Variants in PDGFC observed in about 807,000 individuals in gnomAD.
PDGFC encodes platelet-derived growth factor C.
Under a neutral mutation model 35.5 loss-of-function variants are expected in PDGFC, and 12 were observed. The observed-to-expected ratio is 0.34, with a 90% CI of 0.22 to 0.55. The LOEUF (loss-of-function observed/expected upper bound fraction) is 0.55, where lower values mean the gene tolerates loss of function less well. PDGFC is among the 20% of genes least tolerant of loss of function. The probability of loss-of-function intolerance (pLI) is 0.91; values close to 1 mark genes in which losing one functional copy is unlikely to be tolerated. For synonymous variants in PDGFC, 159 were observed against 148.8 expected (o/e 1.07, Z -0.50); for missense variants, 322 against 412.4 (o/e 0.78, Z 1.90).
chr4:156,766,811 G>GA (rs1286257511), intron 5 of PDGFC, among the ~76,000 whole-genome samples: 10 of 152,038 alleles, frequency 6.6e-5, no homozygotes, highest in African/African-American at 2.2e-4. Context: ...GATAAAGTGG[G>GA]AAAAAAAGCA....
chr4:156,866,296 T>C (rs1038841078), intron 1 of PDGFC, among the ~76,000 whole-genome samples: 10 of 152,214 alleles, frequency 6.6e-5, no homozygotes, highest in Non-Finnish European at 1.5e-4. Context: ...TCATCATTTT[T>C]TATGGCTGCA....
At chr4:156,948,504 T>C (rs1732000823) in intron 1 of PDGFC, among the ~76,000 whole-genome samples, 2 of 152,102 alleles carry the variant, frequency 1.3e-5, no homozygotes, top group South Asian at 2.1e-4. Context: ...AAAAAAGTCT[T>C]GGCATATTAA....
At chr4:156,913,625 T>C (rs905112198) in intron 1 of PDGFC, among the ~76,000 whole-genome samples, 6 of 152,228 alleles carry the variant, frequency 3.9e-5, no homozygotes, top group Admixed American at 3.9e-4. Flanking sequence ...GAATTAGAAT[T>C]CCTAAGACCC....
At chr4:156,862,145 A>G (rs1253264762) in intron 1 of PDGFC, among the ~76,000 whole-genome samples, 1 of 152,206 alleles carries the variant, frequency 6.6e-6, no homozygotes, top group East Asian at 1.9e-4. Context: ...ATCCTCCAAT[A>G]GCTTTCCAGG....
chr4:156,865,520 C>T (rs1284302925), intron 1 of PDGFC, among the ~76,000 whole-genome samples: 2 of 151,954 alleles, frequency 1.3e-5, no homozygotes, highest in African/African-American at 4.8e-5. Context: ...ATGACAAAAG[C>T]TGTTAACAAT....
At chr4:156,786,041 A>T (rs1221272992) in intron 3 of PDGFC, among the ~76,000 whole-genome samples, 1 of 152,120 alleles carries the variant, frequency 6.6e-6, no homozygotes, top group Non-Finnish European at 1.5e-5. Context: ...GTACTGTGAA[A>T]CTAATCACCA....
chr4:156,813,997 T>A (rs928354984), intron 2 of PDGFC, among the ~76,000 whole-genome samples: 11 of 152,074 alleles, frequency 7.2e-5, no homozygotes, highest in African/African-American at 2.7e-4. Flanking sequence ...AAACGCTGTG[T>A]CAGTATTTGG....
chr4:156,969,505 C>T (rs1210590400), intron 1 of PDGFC, among the ~76,000 whole-genome samples: 1 of 152,184 alleles, frequency 6.6e-6, no homozygotes, highest in Non-Finnish European at 1.5e-5. Context: ...TTGCAAAAGT[C>T]GGCAGAATCC....
intron 3 of PDGFC, among the ~76,000 whole-genome samples, chr4:156,774,700 T>C (rs998086648): frequency 2.6e-5 from 4 of 151,364 alleles, no homozygotes; most frequent in Admixed American, 2.0e-4. Flanking sequence ...AACTACAGTG[T>C]TCCAGGGCCT....
At chr4:156,777,230 A>C (rs1730853857) in intron 3 of PDGFC, among the ~76,000 whole-genome samples, 1 of 152,176 alleles carries the variant, frequency 6.6e-6, no homozygotes, top group Non-Finnish European at 1.5e-5. Flanking sequence ...TTATAAATAG[A>C]AGCAGTATGG....
intron 1 of PDGFC, among the ~76,000 whole-genome samples, chr4:156,897,652 A>G (rs1730667637): frequency 1.3e-5 from 2 of 152,222 alleles, no homozygotes; most frequent in Admixed American, 1.3e-4. Flanking sequence ...GAAAGTTTGT[A>G]ATCAATATCT....
At chr4:156,904,821 T>G (rs1451991766) in intron 1 of PDGFC, among the ~76,000 whole-genome samples, 1 of 152,112 alleles carries the variant, frequency 6.6e-6, no homozygotes, top group Non-Finnish European at 1.5e-5. Flanking sequence ...TATCTACACT[T>G]AAATGTTTAC....
chr4:156,885,152 TACATACACACACAC>T (rs1730344039), intron 1 of PDGFC, among the ~76,000 whole-genome samples: 2 of 130,958 alleles, frequency 1.5e-5, no homozygotes, highest in African/African-American at 7.8e-5. Flanking sequence ...TGTATGTGCA[TACATACACACACAC>T]ACACACACAC....
At chr4:156,904,641 G>A (rs887091721) in intron 1 of PDGFC, among the ~76,000 whole-genome samples, 5 of 152,146 alleles carry the variant, frequency 3.3e-5, no homozygotes, top group African/African-American at 1.2e-4. Flanking sequence ...GTATATTTGT[G>A]CTTGTGTATT....
At position 156,944,868 on chromosome 4, in the gene PDGFC, C is replaced by T. The variant is rs990888976; in HGVS notation, c.118+25918G>A. 2.6e-5 allele frequency among the ~76,000 whole-genome samples: 4 copies of T among 151,868 alleles called. No homozygotes were observed. In the South Asian group the frequency reaches 8.3e-4, roughly 32 times the overall value. ...AATTCATCACTCATCTACATGACCC[C>T]CTCCAGAACACAATCCCCCTTGCTG... On this transcript the variant is annotated intron_variant, in intron 1 of 5. Transcript: ENST00000502773.
At chr4:156,818,609 C>CTCCTGGGT (rs1732160411) in intron 2 of PDGFC, among the ~76,000 whole-genome samples, 1 of 151,470 alleles carries the variant, frequency 6.6e-6, no homozygotes. Flanking sequence ...CAAGCTCCGC[C>CTCCTGGGT]TCCTGGGTTC....
intron 1 of PDGFC, among the ~76,000 whole-genome samples, chr4:156,889,927 G>A (rs1287231193): frequency 2.6e-5 from 4 of 152,024 alleles, no homozygotes; most frequent in Non-Finnish European, 5.9e-5. Flanking sequence ...TCCAAGTGTT[G>A]GTTTATTGGG....
chr4:156,830,458 T>C (rs1728900488), intron 2 of PDGFC, among the ~76,000 whole-genome samples: 1 of 152,194 alleles, frequency 6.6e-6, no homozygotes, highest in Admixed American at 6.5e-5. Flanking sequence ...CCATTCTCCA[T>C]GTGGACCTAC....
At chr4:156,938,763 T>G (rs1292540656) in intron 1 of PDGFC, among the ~76,000 whole-genome samples, 2 of 151,882 alleles carry the variant, frequency 1.3e-5, no homozygotes, top group East Asian at 3.9e-4. Flanking sequence ...AATCTAAAAG[T>G]TATCTATGAT....
Sources: gnomAD v4.1 joint callset for allele counts (sites outside exome capture counted in the v4.1 genomes callset) on GRCh38, gnomAD v4.1.1 for gene constraint, MANE v1.5 for transcripts, NCBI Gene and HGNC (gene_info 2026-07-23, HGNC 2026-07-21) for gene names.